Variants in PARD3B observed in about 807,000 individuals in gnomAD.
The protein encoded by PARD3B is par-3 family cell polarity regulator beta.
In PARD3B, 103 loss-of-function variants were observed where a neutral mutation model predicts 130.2. That is an observed-to-expected ratio of 0.79 (90% confidence interval 0.67 to 0.93). PARD3B has a LOEUF of 0.93. PARD3B is among the 40% of genes least tolerant of loss of function. The pLI is 0.00. For synonymous variants in PARD3B, 583 were observed against 553.2 expected (o/e 1.05, Z -0.76); for missense variants, 1,609 against 1,499.2 (o/e 1.07, Z -1.21).
At chr2:205,196,644 T>C (rs1020387709) in intron 15 of PARD3B, among the ~76,000 whole-genome samples, 2 of 152,184 alleles carry the variant, frequency 1.3e-5, no homozygotes, top group African/African-American at 4.8e-5. Context: ...CTCTATCATA[T>C]ATTTTTATCC....
At chr2:204,982,737 G>C (rs1692781625) in intron 3 of PARD3B, among the ~76,000 whole-genome samples, 1 of 152,104 alleles carries the variant, frequency 6.6e-6, no homozygotes, top group African/African-American at 2.4e-5. Flanking sequence ...ATTGCCCCTA[G>C]ATAATGGATA....
chr2:205,302,361 A>C, intron 18 of PARD3B, among the ~76,000 whole-genome samples: 1 of 149,936 alleles, frequency 6.7e-6, no homozygotes, highest in Non-Finnish European at 1.5e-5. Flanking sequence ...AGGAGACCCT[A>C]TTTCTAAGAA....
intron 2 of PARD3B, among the ~76,000 whole-genome samples, chr2:204,934,394 G>T (rs1021075873): frequency 1.3e-5 from 2 of 152,168 alleles, no homozygotes; most frequent in Non-Finnish European, 1.5e-5. Flanking sequence ...AACACTGGAG[G>T]TTTCATGTTT....
At chr2:205,248,601 CTTTTTTT>C (rs762295338) in intron 16 of PARD3B, among the ~76,000 whole-genome samples, 5 of 84,674 alleles carry the variant, frequency 5.9e-5, no homozygotes, top group Admixed American at 1.5e-4. Context: ...TCTCACCATT[CTTTTTTT>C]TTTTTTTTTT....
At chr2:204,572,785 T>C (rs1488773934) in intron 1 of PARD3B, among the ~76,000 whole-genome samples, 12 of 152,136 alleles carry the variant, frequency 7.9e-5, no homozygotes, top group Admixed American at 7.9e-4. Flanking sequence ...CTGGCAAACG[T>C]GTCAGAAACT....
At position 205,574,436 on chromosome 2, in the gene PARD3B, T is replaced by C. The variant is rs371430754; in HGVS notation, c.3260+21033T>C. Among the ~76,000 whole-genome samples, 5 of 152,336 alleles carry C rather than the reference T, an allele frequency of 3.3e-5. No homozygotes were observed. In the East Asian group the frequency reaches 9.6e-4, roughly 29 times the overall value. Reference sequence around the variant, plus strand: ...TACGCCATCTGTGTGGCTATGCCCATGTAAGCATTGTTATCCACGGGCTGC... The same window carrying C: ...TACGCCATCTGTGTGGCTATGCCCACGTAAGCATTGTTATCCACGGGCTGC... On this transcript the variant is annotated intron_variant, in intron 22 of 22. Coordinates refer to ENST00000406610, the MANE Select transcript of PARD3B (RefSeq NM_001302769.2).
At chr2:204,641,970 T>C (rs938255780) in intron 1 of PARD3B, among the ~76,000 whole-genome samples, 2 of 152,138 alleles carry the variant, frequency 1.3e-5, no homozygotes, top group African/African-American at 4.8e-5. Context: ...TTTAGAAATA[T>C]TGAAAGGGAA....
chr2:205,330,489 G>C (rs940903873), intron 18 of PARD3B, among the ~76,000 whole-genome samples: 1 of 152,344 alleles, frequency 6.6e-6, no homozygotes, highest in Non-Finnish European at 1.5e-5. Context: ...GAAGACAGCA[G>C]GGCATAGGCT....
At chr2:205,050,454 T>C (rs749318719) in intron 4 of PARD3B, among the ~76,000 whole-genome samples, 6 of 151,748 alleles carry the variant, frequency 4.0e-5, no homozygotes, top group Non-Finnish European at 7.4e-5. Flanking sequence ...GCCAAACTTA[T>C]GGAATGTTTA....
At chr2:205,497,027 A>C (rs1338644150) in intron 20 of PARD3B, among the ~76,000 whole-genome samples, 2 of 152,078 alleles carry the variant, frequency 1.3e-5, no homozygotes, top group African/African-American at 2.4e-5. Flanking sequence ...CTCAAGAGCT[A>C]GGGAAGCTGT....
rs139862312 is a variant in PARD3B at position 205,408,846 on chromosome 2, G to A, written c.2741+7723G>A. On this transcript the variant is annotated intron_variant, in intron 19 of 22. Transcript: ENST00000406610. The stretch of plus-strand genomic sequence containing the variant: ...TAGAATTTTCTAGGTCCTGTGGTTT[G>A]GGTAAAATGTTGGAATGATTCCCAG... 7.1e-4 allele frequency among the ~76,000 whole-genome samples: 108 copies of A among 152,148 alleles called. 1 individual carries two copies. In the East Asian group the frequency reaches 0.017, roughly 24 times the overall value.
chr2:204,749,212 G>T (rs2040365035), intron 2 of PARD3B, among the ~76,000 whole-genome samples: 1 of 152,016 alleles, frequency 6.6e-6, no homozygotes, highest in Non-Finnish European at 1.5e-5. Context: ...ATAATTTCTT[G>T]ATTAGTTACA....
chr2:205,299,357 A>G (rs1453044448), intron 16 of PARD3B, among the ~76,000 whole-genome samples: 1 of 152,168 alleles, frequency 6.6e-6, no homozygotes, highest in Non-Finnish European at 1.5e-5. Flanking sequence ...CTTTACATAC[A>G]TAATTCTTAA....
intron 2 of PARD3B, among the ~76,000 whole-genome samples, chr2:204,883,406 T>TATATATATATTATATATATATATATAAA (rs2046129768): frequency 9.8e-6 from 1 of 101,764 alleles, no homozygotes; most frequent in Non-Finnish European, 2.1e-5. Flanking sequence ...ATATATATAT[T>TATATATATATTATATATATATATATAAA]ATATATATAT....
intron 4 of PARD3B, among the ~76,000 whole-genome samples, chr2:205,097,595 C>T (rs966181358): frequency 2.0e-5 from 3 of 152,076 alleles, no homozygotes; most frequent in Admixed American, 1.3e-4. Context: ...TGTAGAAGCT[C>T]GGGACTCACC....
Position 205,440,554 on chromosome 2 carries a change from C to T in PARD3B, c.2926C>T (p.Arg976Ter), listed in dbSNP as rs1233149153. The change falls in exon 20 of 23, where the codon CGA becomes TGA. Residue 976 changes from arginine (R) to a stop codon, truncating the protein, a stop_gained. Coordinates refer to ENST00000406610, the MANE Select transcript of PARD3B (RefSeq NM_001302769.2). LOFTEE classifies it high-confidence loss of function. The surrounding 1 kb of genome is among the most constrained non-coding windows in gnomAD (Gnocchi z 4.2). ...ANVFRSPSPP[R>*]AGPFGYPRDG... ...TGTCTTTAGATCTCCATCTCCCCCT[C>T]GAGCTGGACCATTTGGTTACCCTCG... 3.7e-6 allele frequency: 6 copies of T among 1,614,084 alleles called. No homozygotes were observed. Among genetic ancestry groups the T allele is most frequent in the Admixed American group, 1.7e-5 (1 of 60,028 alleles).
At chr2:205,554,884 A>G (rs2052808782) in intron 22 of PARD3B, among the ~76,000 whole-genome samples, 1 of 152,204 alleles carries the variant, frequency 6.6e-6, no homozygotes, top group South Asian at 2.1e-4. Flanking sequence ...ATTTTATATC[A>G]AGGACTTGAG....
chr2:205,212,612 G>T (rs1036649922), intron 15 of PARD3B, among the ~76,000 whole-genome samples: 4 of 152,118 alleles, frequency 2.6e-5, no homozygotes, highest in Non-Finnish European at 5.9e-5. Context: ...CACTAAGCAA[G>T]TAGGAATTAA....
In PARD3B at chr2:205,473,085, TAAG is replaced by T. The variant is rs1279518043; in HGVS notation, c.3045-26807_3045-26805del. Among the ~76,000 whole-genome samples, 4 of 152,140 alleles carry T rather than the reference TAAG, an allele frequency of 2.6e-5. No homozygotes were observed. Among genetic ancestry groups the T allele is most frequent in the African/African-American group, 9.7e-5 (4 of 41,444 alleles). ...AATTTTACAAATTCTAGCAACTTCT[TAAG>T]AAGCTCTAAAAAGAAAGTTCTGGGT... On this transcript the variant is annotated intron_variant, in intron 20 of 22. Coordinates refer to ENST00000406610, the MANE Select transcript of PARD3B (RefSeq NM_001302769.2). This position sits in a 1 kb window ranked among gnomAD's most constrained non-coding sequence, Gnocchi z 4.9.
Sources: gnomAD v4.1 joint callset for allele counts (sites outside exome capture counted in the v4.1 genomes callset) on GRCh38, gnomAD v4.1.1 for gene constraint, Gnocchi (gnomAD v3.1) non-coding constraint, MANE v1.5 for transcripts, NCBI Gene and HGNC (gene_info 2026-07-23, HGNC 2026-07-21) for gene names.